Variants in ZFAT observed in about 807,000 individuals in gnomAD.
The protein encoded by ZFAT is zinc finger and AT-hook domain containing.
Under a neutral mutation model 117.7 loss-of-function variants are expected in ZFAT, and 64 were observed. The observed-to-expected ratio is 0.54, with a 90% CI of 0.44 to 0.67. ZFAT has a LOEUF of 0.67. ZFAT is among the 30% of genes least tolerant of loss of function. The probability of loss-of-function intolerance (pLI) is 0.00; values close to 1 mark genes in which losing one functional copy is unlikely to be tolerated. For synonymous variants in ZFAT, 679 were observed against 615.0 expected, an observed-to-expected ratio of 1.10 and a Z score of -1.54; for missense variants, 1,433 against 1,584.5, an observed-to-expected ratio of 0.90 and a Z score of 1.62.
intron 13 of ZFAT, among the ~76,000 whole-genome samples, chr8:134,517,935 C>T (rs757041303): frequency 3.9e-5 from 6 of 152,186 alleles, no homozygotes; most frequent in Non-Finnish European, 5.9e-5. Context: ...TGCTTCATTA[C>T]TGATGATGCC....
At chr8:134,591,398 A>G (rs1259133917) in intron 7 of ZFAT, among the ~76,000 whole-genome samples, 1 of 152,222 alleles carries the variant, frequency 6.6e-6, no homozygotes, top group Non-Finnish European at 1.5e-5. Context: ...CCATGGTGTA[A>G]CATTCTCAAT....
At chr8:134,805,837 C>A in the ZFAT span, among the ~76,000 whole-genome samples, 13 of 151,864 alleles carry the variant, frequency 8.6e-5, no homozygotes, top group Non-Finnish European at 8.8e-5. Context: ...AACATATTAG[C>A]TGGGTGTGGT....
At chr8:134,825,485 A>G in the ZFAT span, among the ~76,000 whole-genome samples, 1 of 152,260 alleles carries the variant, frequency 6.6e-6, no homozygotes, top group Non-Finnish European at 1.5e-5. Flanking sequence ...ACACACAATA[A>G]GAGTTACACA....
chr8:134,770,763 C>T, the ZFAT span, among the ~76,000 whole-genome samples: 1 of 152,192 alleles, frequency 6.6e-6, no homozygotes, highest in African/African-American at 2.4e-5. Context: ...CAGCGTGGAA[C>T]ATCCCTGAGA....
At chr8:134,716,980 G>C (rs150618224), upstream of ZFAT, among the ~76,000 whole-genome samples, 39 of 152,242 alleles carry the variant, frequency 2.6e-4, no homozygotes, top group East Asian at 7.1e-3. Flanking sequence ...AGAAGACTAG[G>C]AACCATGCCA....
chr8:134,591,315 T>C (rs1219526963), intron 7 of ZFAT, among the ~76,000 whole-genome samples: 1 of 152,242 alleles, frequency 6.6e-6, no homozygotes, highest in Non-Finnish European at 1.5e-5. Flanking sequence ...GGATGCCTCC[T>C]GCCCCTCGGT....
At chr8:134,571,551 T>C (rs891984314) in intron 10 of ZFAT, among the ~76,000 whole-genome samples, 1 of 150,192 alleles carries the variant, frequency 6.7e-6, no homozygotes, top group African/African-American at 2.4e-5. Context: ...AGTGAATGTA[T>C]GACTATGAAA....
At chr8:134,566,935 C>T (rs963746506) in intron 10 of ZFAT, among the ~76,000 whole-genome samples, 2 of 152,220 alleles carry the variant, frequency 1.3e-5, no homozygotes, top group African/African-American at 4.8e-5. Flanking sequence ...TTCCCTCTCA[C>T]CAGGGCAGCT....
At chr8:134,774,810 A>G in the ZFAT span, among the ~76,000 whole-genome samples, 1,100 of 152,240 alleles carry the variant, frequency 7.2e-3, 13 homozygotes, top group African/African-American at 0.025. Context: ...AAACCCTTCC[A>G]ATGAACTTTC....
At chr8:134,804,607 T>C in the ZFAT span, among the ~76,000 whole-genome samples, 3 of 152,182 alleles carry the variant, frequency 2.0e-5, no homozygotes, top group Non-Finnish European at 2.9e-5. Flanking sequence ...TAAAATTTCA[T>C]TGACAGGGCA....
chr8:134,741,009 C>T, the ZFAT span, among the ~76,000 whole-genome samples: 1 of 152,104 alleles, frequency 6.6e-6, no homozygotes, highest in African/African-American at 2.4e-5. Context: ...CTACCATAAC[C>T]AACAGAACCC....
chr8:134,796,861 A>G, the ZFAT span: 4 of 152,172 alleles, frequency 2.6e-5, no homozygotes, highest in African/African-American at 9.7e-5. Flanking sequence ...TCTGATATTA[A>G]TTTCTATATG....
chr8:134,743,970 C>G, the ZFAT span, among the ~76,000 whole-genome samples: 1 of 152,222 alleles, frequency 6.6e-6, no homozygotes, highest in Admixed American at 6.5e-5. Context: ...ACAGGCCAAA[C>G]AGGTTTCTTG....
At chr8:134,659,884 GA>G (rs963041219) in intron 1 of ZFAT, among the ~76,000 whole-genome samples, 72 of 152,326 alleles carry the variant, frequency 4.7e-4, no homozygotes, top group African/African-American at 1.6e-3. Flanking sequence ...CTTTCTCCGT[GA>G]ATTAGCAGGG....
chr8:134,657,277 G>A (rs975389787), intron 2 of ZFAT, among the ~76,000 whole-genome samples: 8 of 152,144 alleles, frequency 5.3e-5, no homozygotes, highest in Non-Finnish European at 1.0e-4. Context: ...TAGGTACTAG[G>A]GCTGGGTTAA....
At chr8:134,596,819 T>C (rs1027304318) in intron 7 of ZFAT, among the ~76,000 whole-genome samples, 2 of 152,136 alleles carry the variant, frequency 1.3e-5, no homozygotes, top group Admixed American at 6.5e-5. Context: ...AAATTTCATA[T>C]GAAAGAAAGA....
rs1833394036 is a variant in ZFAT at position 134,687,715 on chromosome 8, T to C, written c.19+25130A>G. On this transcript the variant is annotated intron_variant, in intron 1 of 15. Transcript: ENST00000377838. ...CCGCCTACCCACAGCTCTCAAGTGA[T>C]GCCTCTAAGTAACCAAGTCTCTGTG... 2.0e-5 allele frequency among the ~76,000 whole-genome samples: 3 copies of C among 152,096 alleles called. No individual in the cohort carries two copies. The South Asian group carries it at 6.2e-4, about 32-fold the overall frequency.
intron 8 of ZFAT, among the ~76,000 whole-genome samples, chr8:134,588,873 T>C (rs986235408): frequency 6.6e-6 from 1 of 152,254 alleles, no homozygotes; most frequent in East Asian, 1.9e-4. Flanking sequence ...TGAATGACAG[T>C]TGATCCTATT....
the ZFAT span, among the ~76,000 whole-genome samples, chr8:134,764,585 C>G: frequency 6.6e-6 from 1 of 152,226 alleles, no homozygotes; most frequent in Non-Finnish European, 1.5e-5. Flanking sequence ...AATAGGAATA[C>G]AAGCTTGAAT....
Sources: gnomAD v4.1 joint callset for allele counts (sites outside exome capture counted in the v4.1 genomes callset) on GRCh38, gnomAD v4.1.1 for gene constraint, MANE v1.5 for transcripts, NCBI Gene and HGNC (gene_info 2026-07-23, HGNC 2026-07-21) for gene names.